Variants in MGME1 observed in about 807,000 individuals in gnomAD.
MGME1 encodes the protein mitochondrial genome maintenance exonuclease 1.
Under a neutral mutation model 33.0 loss-of-function variants are expected in MGME1, and 22 were observed. The ratio of observed to expected loss-of-function variants is 0.67; its 90% CI spans 0.48 to 0.95. The LOEUF (loss-of-function observed/expected upper bound fraction) is 0.95, where lower values mean the gene tolerates loss of function less well. Ranked by LOEUF, MGME1 falls within the 40% of genes least tolerant of loss-of-function variation. The probability of loss-of-function intolerance (pLI) is 0.00; values close to 1 mark genes in which losing one functional copy is unlikely to be tolerated. For synonymous variants in MGME1, 133 were observed against 144.0 expected (o/e 0.92, Z 0.55); for missense variants, 383 against 397.8 (o/e 0.96, Z 0.32).
intron 3 of MGME1, among the ~76,000 whole-genome samples, chr20:17,980,982 T>A (rs1442498374): frequency 6.6e-6 from 1 of 152,150 alleles, no homozygotes; most frequent in Admixed American, 6.6e-5. Flanking sequence ...AAATATAATA[T>A]TACAGATTAA....
Position 17,986,215 on chromosome 20 carries a change from C to T in MGME1, c.732-1951C>T, listed in dbSNP as rs1259190932. Among the ~76,000 whole-genome samples the T allele has an allele frequency of 4.6e-5, 7 of 152,048 alleles. No homozygotes were observed. The East Asian group carries it at 1.3e-3, about 29-fold the overall frequency. ...TCCCGAGTAGCTGGGATTACAGGGG[C>T]ACATCACCACGCCTGGCTAATTTTT... On this transcript the variant is annotated intron_variant, in intron 3 of 4. Transcript: ENST00000377710.
chr20:17,988,947 C>T (rs2036222643), intron 4 of MGME1, among the ~76,000 whole-genome samples: 1 of 151,668 alleles, frequency 6.6e-6, no homozygotes, highest in African/African-American at 2.4e-5. Context: ...CAAAAATTAG[C>T]TGGACATGGT....
chr20:17,983,736 A>G (rs982664141), intron 3 of MGME1, among the ~76,000 whole-genome samples: 2 of 152,176 alleles, frequency 1.3e-5, no homozygotes, highest in Admixed American at 1.3e-4. Flanking sequence ...TTGGTCATTC[A>G]TGTCTTCTTT....
intron 3 of MGME1, among the ~76,000 whole-genome samples, chr20:17,983,120 G>C (rs919732440): frequency 1.3e-5 from 2 of 151,874 alleles, no homozygotes; most frequent in African/African-American, 2.4e-5. Context: ...TTCTGAGTTC[G>C]ACTTTTTTAG....
chr20:17,978,058 A>AT (rs932502493), intron 3 of MGME1, among the ~76,000 whole-genome samples: 14 of 151,676 alleles, frequency 9.2e-5, no homozygotes, highest in East Asian at 5.8e-4. Context: ...ACATTATGAG[A>AT]TTTTTTTTTG....
chr20:17,969,755 C>G lies in MGME1; in HGVS notation c.-59-46C>G. 3 of 1,185,694 alleles carry G rather than the reference C, an allele frequency of 2.5e-6. No homozygotes were observed. In the East Asian group the frequency reaches 7.1e-5, roughly 28 times the overall value. The allele number at this position is 1,185,694 out of a possible 1,614,324, so 73.4% of individuals were successfully genotyped here. ...AGTTCACAATTTTGATGTGCAATATCATTCTGATGCAGCTTTCGCTTTGAT... is the reference window on the plus strand; with the variant it reads ...AGTTCACAATTTTGATGTGCAATATGATTCTGATGCAGCTTTCGCTTTGAT... On this transcript the variant is annotated intron_variant, in intron 1 of 4. Transcript: ENST00000377710.
Position 17,991,089 on chromosome 20 carries a change from C to A in MGME1, c.*980C>A. On this transcript the variant is annotated 3_prime_UTR_variant, in exon 5 of 5. Transcript: ENST00000377710. ...AATGACTTCTTTGGGTAGCCATTTT[C>A]ATAAGAAATAAAATACAAGATATGA... The A allele has an allele frequency of 6.6e-6, 1 of 152,082 alleles. No individual in the cohort carries two copies. The highest frequency in any genetic ancestry group is 1.9e-4 in the East Asian group (1 of 5,200). 9.4% of individuals were successfully genotyped at this position (152,082 alleles called of 1,614,324 possible). A position where few individuals can be genotyped will look rare whatever the true frequency, so the allele number is the denominator to read the frequency against.
intron 2 of MGME1, among the ~76,000 whole-genome samples, chr20:17,971,896 T>C (rs113030274): frequency 7.8e-4 from 119 of 152,214 alleles, no homozygotes; most frequent in African/African-American, 2.5e-3. Flanking sequence ...CCACCATGCC[T>C]GGCTAATTTT....
intron 2 of MGME1, among the ~76,000 whole-genome samples, chr20:17,973,995 C>A (rs961270844): frequency 2.0e-5 from 3 of 151,460 alleles, no homozygotes; most frequent in Non-Finnish European, 4.4e-5. Flanking sequence ...ACAGTCCCCC[C>A]TCTTTCTCTC....
intron 3 of MGME1, among the ~76,000 whole-genome samples, chr20:17,986,951 C>A (rs962643397): frequency 1.4e-4 from 21 of 151,736 alleles, no homozygotes; most frequent in Non-Finnish European, 2.4e-4. Flanking sequence ...GAGGCCAAGG[C>A]GGGTGGATCA....
In MGME1 at chr20:17,990,248, A is replaced by G. The variant is rs1289475414; in HGVS notation, c.*139A>G. 3 of 777,240 alleles carry G rather than the reference A, an allele frequency of 3.9e-6. No homozygotes were observed. The highest frequency in any genetic ancestry group is 3.5e-5 in the African/African-American group (2 of 57,104). 48.1% of individuals were successfully genotyped at this position (777,240 alleles called of 1,614,324 possible). On this transcript the variant is annotated 3_prime_UTR_variant, in exon 5 of 5. Coordinates refer to ENST00000377710, the MANE Select transcript of MGME1 (RefSeq NM_052865.4). ...ACAAGTAGAAGTATTAATTTGTTGA[A>G]ATGTGTTGTTACCAAAAAGACTGAA...
chr20:17,973,606 C>T (rs1222775158), intron 2 of MGME1, among the ~76,000 whole-genome samples: 1 of 150,936 alleles, frequency 6.6e-6, no homozygotes, highest in Non-Finnish European at 1.5e-5. Flanking sequence ...CGAGCCAGTA[C>T]ACTCCATCCT....
chr20:17,974,387 T>C (rs1382891252), intron 2 of MGME1, among the ~76,000 whole-genome samples: 1 of 151,938 alleles, frequency 6.6e-6, no homozygotes, highest in Admixed American at 6.6e-5. Context: ...TTAAAATGTG[T>C]ATGAGGAGGG....
rs536508156 is a variant in MGME1 at position 17,987,709 on chromosome 20, A to G, written c.732-457A>G. On this transcript the variant is annotated intron_variant, in intron 3 of 4. Transcript: ENST00000377710. Reference sequence around the variant, plus strand: ...CATGTAAGTAATATACATGCTTTGTACAAAATCTCCCTATAAACTGCTGAT... The same window carrying G: ...CATGTAAGTAATATACATGCTTTGTGCAAAATCTCCCTATAAACTGCTGAT... 2.0e-5 allele frequency among the ~76,000 whole-genome samples: 3 copies of G among 152,332 alleles called. No individual in the cohort carries two copies. In the South Asian group the frequency reaches 6.2e-4, roughly 32 times the overall value.
chr20:17,977,751 T>C (rs529057908), intron 3 of MGME1, among the ~76,000 whole-genome samples: 6 of 152,326 alleles, frequency 3.9e-5, no homozygotes, highest in Admixed American at 3.9e-4. Context: ...ATTATTAATT[T>C]GTTCCCTTAA....
chr20:17,975,603 A>G lies in MGME1; in HGVS notation c.512-81A>G, dbSNP rs1230251497. ...ATGTCATTTTTAATTGTATTGTTTC[A>G]GGGCGTTTTAGAGTATTTGTTTTTC... On this transcript the variant is annotated intron_variant, in intron 2 of 4. Transcript: ENST00000377710. 3.2e-6 allele frequency: 3 copies of G among 935,796 alleles called. No individual in the cohort carries two copies. In the East Asian group the frequency reaches 7.7e-5, roughly 24 times the overall value. 58.0% of individuals were successfully genotyped at this position (935,796 alleles called of 1,614,324 possible).
chr20:17,976,818 T>A (rs77095700), intron 3 of MGME1, among the ~76,000 whole-genome samples: 1,802 of 152,038 alleles, frequency 0.012, 32 homozygotes, highest in African/African-American at 0.04. Flanking sequence ...TGCGCCACCA[T>A]GTGTGGCTGA....
intron 2 of MGME1, among the ~76,000 whole-genome samples, chr20:17,972,987 T>C (rs569713869): frequency 2.4e-4 from 36 of 152,186 alleles, no homozygotes; most frequent in Admixed American, 1.8e-3. Flanking sequence ...AGTTCCTAAG[T>C]TGAATTTCAT....
intron 4 of MGME1, among the ~76,000 whole-genome samples, chr20:17,989,418 A>AATAAATAAATAAATAG (rs1028735308): frequency 6.7e-6 from 1 of 149,936 alleles, no homozygotes; most frequent in African/African-American, 2.5e-5. Flanking sequence ...TAAATAAATA[A>AATAAATAAATAAATAG]ATAGCACTTT....
Sources: allele counts gnomAD v4.1 joint callset (sites outside exome capture counted in the v4.1 genomes callset), GRCh38; gene constraint gnomAD v4.1.1; transcripts MANE v1.5; gene names NCBI Gene and HGNC (gene_info 2026-07-23, HGNC 2026-07-21).